Variants in PCDH9 observed in about 807,000 individuals in gnomAD.
PCDH9 encodes the protein protocadherin 9, also known as protocadherin-9.
Under a neutral mutation model 70.6 loss-of-function variants are expected in PCDH9, and 24 were observed. The ratio of observed to expected loss-of-function variants is 0.34; its 90% CI spans 0.25 to 0.48. PCDH9 has a LOEUF of 0.48. Among genes scored for constraint, PCDH9 ranks in the 20% least tolerant of loss-of-function variants. PCDH9 has a pLI of 0.99. For missense variants in PCDH9, 1,281 were observed against 1,503.6 expected, an observed-to-expected ratio of 0.85 and a Z score of 2.45; for synonymous variants, 562 against 558.5, an observed-to-expected ratio of 1.01 and a Z score of -0.09.
rs541579568 is a variant in PCDH9, at chr13:66,321,974, T to C, written c.3341-16946A>G. Among the ~76,000 whole-genome samples, 33 of 152,060 alleles carry C rather than the reference T, an allele frequency of 2.2e-4. 1 individual carries two copies. The highest frequency in any genetic ancestry group is 6.8e-3 in the Middle Eastern group (2 of 294). ...TGATGTGACTTCCTCATAAACTTTA[T>C]TAAATTTAAATTATATGTGAAGTGG... On this transcript the variant is annotated intron_variant, in intron 4 of 4. Transcript: ENST00000377865.
intron 3 of PCDH9, among the ~76,000 whole-genome samples, chr13:66,695,625 T>C (rs1165849460): frequency 6.6e-6 from 1 of 152,194 alleles, no homozygotes; most frequent in African/African-American, 2.4e-5. Flanking sequence ...TCTTAAAAAC[T>C]GTCTGTTAAA....
At chr13:66,372,446 C>A (rs776085098) in intron 4 of PCDH9, among the ~76,000 whole-genome samples, 2 of 151,462 alleles carry the variant, frequency 1.3e-5, no homozygotes, top group African/African-American at 4.8e-5. Flanking sequence ...TCGAGAAGAT[C>A]AGAAAGTAAA....
chr13:66,992,851 T>C (rs2084031338), intron 2 of PCDH9, among the ~76,000 whole-genome samples: 1 of 151,040 alleles, frequency 6.6e-6, no homozygotes, highest in South Asian at 2.1e-4. Flanking sequence ...TATTAGCATG[T>C]AAATCAGAGA....
intron 4 of PCDH9, among the ~76,000 whole-genome samples, chr13:66,485,830 C>T (rs1404873845): frequency 6.6e-6 from 1 of 151,912 alleles, no homozygotes; most frequent in Non-Finnish European, 1.5e-5. Flanking sequence ...CAACCTCCGC[C>T]TCCTGGGTTC....
Position 67,056,640 on chromosome 13 carries a change from G to A in PCDH9, c.3037-153035C>T, listed in dbSNP as rs568661371. Reference sequence around the variant, plus strand: ...GGCTCTATAATAATATAAAAACCTTGACTGATTAACCTCTCAATTCATGTA... The same window carrying A: ...GGCTCTATAATAATATAAAAACCTTAACTGATTAACCTCTCAATTCATGTA... On this transcript the variant is annotated intron_variant, in intron 2 of 4. Coordinates refer to ENST00000377865, the MANE Select transcript of PCDH9 (RefSeq NM_203487.3). 1.2e-4 allele frequency among the ~76,000 whole-genome samples: 18 copies of A among 152,224 alleles called. 1 individual carries two copies. The highest frequency in any genetic ancestry group is 1.1e-3 in the Admixed American group (17 of 15,274).
At chr13:66,552,775 A>G (rs1035727822) in intron 4 of PCDH9, among the ~76,000 whole-genome samples, 5 of 152,128 alleles carry the variant, frequency 3.3e-5, no homozygotes, top group Non-Finnish European at 7.4e-5. Context: ...AAGATGAGGA[A>G]TGTACTAGTC....
chr13:66,769,313 T>C (rs1388597681), intron 3 of PCDH9, among the ~76,000 whole-genome samples: 1 of 152,170 alleles, frequency 6.6e-6, no homozygotes, highest in Non-Finnish European at 1.5e-5. Context: ...TAATTGGACC[T>C]ATGGGAGTTT....
chr13:67,051,362 T>C (rs867057399), intron 2 of PCDH9, among the ~76,000 whole-genome samples: 18 of 143,036 alleles, frequency 1.3e-4, no homozygotes, highest in Admixed American at 2.8e-4. Context: ...AAAAGCGAAA[T>C]ACCAGGAAAA....
intron 3 of PCDH9, among the ~76,000 whole-genome samples, chr13:66,682,360 CTATCTATCTATCTATCTATCT>C (rs2078336938): frequency 1.1e-4 from 1 of 9,132 alleles, no homozygotes; most frequent in South Asian, 3.5e-3. Context: ...TATTATCTAT[CTATCTATCTATCTATCTATCT>C]ATCTATCTAT....
At chr13:67,136,163 A>T (rs2087227088) in intron 2 of PCDH9, among the ~76,000 whole-genome samples, 1 of 152,104 alleles carries the variant, frequency 6.6e-6, no homozygotes, top group Admixed American at 6.6e-5. Context: ...TTAGATACAC[A>T]AGTACCTACC....
chr13:66,868,916 C>A, intron 3 of PCDH9, among the ~76,000 whole-genome samples: 1 of 152,036 alleles, frequency 6.6e-6, no homozygotes, highest in East Asian at 1.9e-4. Flanking sequence ...TACAGACTAG[C>A]ATGATAAATA....
chr13:66,992,011 T>A (rs1434795922), intron 2 of PCDH9, among the ~76,000 whole-genome samples: 1 of 152,142 alleles, frequency 6.6e-6, no homozygotes, highest in African/African-American at 2.4e-5. Flanking sequence ...TTTAAGTCTG[T>A]ATTTGATAGA....
At position 67,112,711 on chromosome 13, in the gene PCDH9, CTTCCTTCT is replaced by C. The variant is rs551648203; in HGVS notation, c.3036+112686_3036+112693del. Among the ~76,000 whole-genome samples, 55 of 148,918 alleles carry C rather than the reference CTTCCTTCT, an allele frequency of 3.7e-4. No homozygotes were observed. The South Asian group carries it at 6.5e-3, about 18-fold the overall frequency. On this transcript the variant is annotated intron_variant, in intron 2 of 4. Transcript: ENST00000377865. ...CCTTCTTCCTTTCCTCCCTTTCCGC[CTTCCTTCT>C]TTCCTTCTTTCCTTTCTTGACAGGG...
intron 3 of PCDH9, among the ~76,000 whole-genome samples, chr13:66,870,715 A>G (rs1282149258): frequency 6.6e-6 from 1 of 152,086 alleles, no homozygotes; most frequent in Non-Finnish European, 1.5e-5. Flanking sequence ...TTAGAATGGC[A>G]ATCATTAAAA....
intron 3 of PCDH9, among the ~76,000 whole-genome samples, chr13:66,679,794 T>G (rs578031876): frequency 6.6e-6 from 1 of 152,038 alleles, no homozygotes; most frequent in African/African-American, 2.4e-5. Context: ...TCTATAATTT[T>G]TATATGCAAA....
At chr13:67,215,401 T>C (rs1043113499) in intron 2 of PCDH9, 2 of 152,100 alleles carry the variant, frequency 1.3e-5, no homozygotes, top group African/African-American at 4.8e-5. Flanking sequence ...TGTGATACGG[T>C]ATTTTTCTTA....
chr13:66,867,305 G>T (rs2081594101), intron 3 of PCDH9, among the ~76,000 whole-genome samples: 1 of 152,068 alleles, frequency 6.6e-6, no homozygotes, highest in South Asian at 2.1e-4. Context: ...TGATGTTTAT[G>T]GATGCAGAAA....
At chr13:66,851,031 A>G (rs1263985556) in intron 3 of PCDH9, among the ~76,000 whole-genome samples, 1 of 152,254 alleles carries the variant, frequency 6.6e-6, no homozygotes, top group East Asian at 1.9e-4. Flanking sequence ...GAATTAAACC[A>G]ATAGAAATCT....
At chr13:67,179,789 T>C (rs1022706079) in intron 2 of PCDH9, among the ~76,000 whole-genome samples, 1 of 152,114 alleles carries the variant, frequency 6.6e-6, no homozygotes, top group African/African-American at 2.4e-5. Context: ...ATTTTTCTGT[T>C]CAATTTCTTG....
Sources: allele counts gnomAD v4.1 joint callset (sites outside exome capture counted in the v4.1 genomes callset), GRCh38; gene constraint gnomAD v4.1.1; transcripts MANE v1.5; gene names NCBI Gene and HGNC (gene_info 2026-07-23, HGNC 2026-07-21).